NOS1AP: variants seen among roughly 807,000 people sequenced by gnomAD.
The protein encoded by NOS1AP is carboxyl-terminal PDZ ligand of neuronal nitric oxide synthase protein.
NOS1AP carries 21 observed loss-of-function variants against 56.2 expected under a neutral mutation model. The ratio of observed to expected loss-of-function variants is 0.37; its 90% CI spans 0.26 to 0.54. The LOEUF (loss-of-function observed/expected upper bound fraction) is 0.54, where lower values mean the gene tolerates loss of function less well. Ranked by LOEUF, NOS1AP falls within the 20% of genes least tolerant of loss-of-function variation. NOS1AP has a pLI of 0.84. For synonymous variants in NOS1AP, 270 were observed against 274.6 expected, an observed-to-expected ratio of 0.98 and a Z score of 0.17; for missense variants, 522 against 657.8, an observed-to-expected ratio of 0.79 and a Z score of 2.26.
intron 2 of NOS1AP, among the ~76,000 whole-genome samples, chr1:162,196,764 C>A (rs1003793314): frequency 1.1e-4 from 16 of 152,148 alleles, no homozygotes; most frequent in African/African-American, 3.6e-4. Flanking sequence ...TTTAAATAAT[C>A]ATAAATTTTA....
chr1:162,358,900 A>G (rs1415356705), intron 8 of NOS1AP, among the ~76,000 whole-genome samples: 2 of 152,248 alleles, frequency 1.3e-5, no homozygotes, highest in Non-Finnish European at 2.9e-5. Flanking sequence ...TGTGTAATCC[A>G]CACAATAGTG....
chr1:162,287,466 G>A, intron 3 of NOS1AP, 30 bp downstream of exon 3: 1 of 1,472,580 alleles, frequency 6.8e-7, no homozygotes, highest in Non-Finnish European at 9.5e-7. Flanking sequence ...AATCTGAGGT[G>A]AAGAGGAAAG....
At chr1:162,350,668 T>C (rs1657462479) in intron 6 of NOS1AP, among the ~76,000 whole-genome samples, 1 of 152,252 alleles carries the variant, frequency 6.6e-6, no homozygotes, top group African/African-American at 2.4e-5. Flanking sequence ...TTATTTAATG[T>C]GAGAAAAGCA....
intron 3 of NOS1AP, among the ~76,000 whole-genome samples, chr1:162,296,366 ACC>A (rs1339050321): frequency 6.6e-6 from 1 of 152,170 alleles, no homozygotes; most frequent in Non-Finnish European, 1.5e-5. Flanking sequence ...TACTCCCCAA[ACC>A]CATTGAGTTA....
intron 4 of NOS1AP, among the ~76,000 whole-genome samples, chr1:162,308,559 A>G (rs1267230734): frequency 6.6e-6 from 1 of 152,200 alleles, no homozygotes; most frequent in Non-Finnish European, 1.5e-5. Context: ...CATGCATACC[A>G]CTGGACATCC....
intron 1 of NOS1AP, among the ~76,000 whole-genome samples, chr1:162,120,012 T>G (rs1024021984): frequency 6.6e-6 from 1 of 151,886 alleles, no homozygotes; most frequent in Non-Finnish European, 1.5e-5. Context: ...CTGGTGGGAG[T>G]GTAAATTGGT....
chr1:162,294,455 C>G (rs1006319833), intron 3 of NOS1AP, among the ~76,000 whole-genome samples: 1 of 152,136 alleles, frequency 6.6e-6, no homozygotes, highest in Non-Finnish European at 1.5e-5. Context: ...AGTGCAGCAG[C>G]TGGGTCCCTT....
At position 162,072,115 on chromosome 1, in the gene NOS1AP, A is replaced by T. The variant is rs571514747; in HGVS notation, c.105+1833A>T. 4.3e-5 allele frequency among the ~76,000 whole-genome samples: 5 copies of T among 117,150 alleles called. No homozygotes were observed. In the East Asian group the frequency reaches 1.1e-3, roughly 26 times the overall value. The allele number at this position is 117,150 out of a possible 152,430, so 76.9% of individuals were successfully genotyped here. On this transcript the variant is annotated intron_variant, in intron 1 of 9. Coordinates refer to ENST00000361897, the MANE Select transcript of NOS1AP (RefSeq NM_014697.3). ...ATAGATAGATAGATAGATAGATAGA[A>T]AGTGTATTTTAAGCCTTTTTATTTT...
intron 2 of NOS1AP, among the ~76,000 whole-genome samples, chr1:162,233,145 C>T (rs1653175422): frequency 6.6e-6 from 1 of 152,202 alleles, no homozygotes; most frequent in Non-Finnish European, 1.5e-5. Context: ...GAGGTAGGGC[C>T]AAGCACTGGC....
chr1:162,088,111 T>G (rs1219607953), intron 1 of NOS1AP, among the ~76,000 whole-genome samples: 2 of 152,036 alleles, frequency 1.3e-5, no homozygotes, highest in Non-Finnish European at 2.9e-5. Context: ...TTAGTTATGA[T>G]CTTGGATTTC....
chr1:162,355,205 C>T lies in NOS1AP; in HGVS notation c.614C>T (p.Ala205Val). ...CCTGCAGGCCGCCAGCTCACTGGAG[C>T]CGAGAGGGCCTCCACGGCCACTGCA... is the stretch of plus-strand genomic sequence containing the variant. ...SGDPGRQLTG[A>V]ERASTATAEE... The change falls in exon 7 of 10, where the codon GCC becomes GTC. Residue 205 changes from alanine (A) to valine (V), a missense_variant. By Grantham distance (64) the Ala-to-Val change is moderately conservative (BLOSUM62 0). Coordinates refer to ENST00000361897, the MANE Select transcript of NOS1AP (RefSeq NM_014697.3). 1.2e-6 allele frequency: 2 copies of T among 1,614,096 alleles called. No homozygotes were observed. The highest frequency in any genetic ancestry group is 1.7e-6 in the Non-Finnish European group (2 of 1,180,022).
Position 162,355,180 on chromosome 1 carries a change from C to T in NOS1AP, c.596-7C>T, listed in dbSNP as rs753272687. 2 of 1,614,056 alleles carry T rather than the reference C, an allele frequency of 1.2e-6. No individual in the cohort carries two copies. The highest frequency in any genetic ancestry group is 8.5e-7 in the Non-Finnish European group (1 of 1,180,010). On this transcript the variant is annotated splice_region_variant and splice_polypyrimidine_tract_variant and intron_variant, in intron 6 of 9. Coordinates refer to ENST00000361897, the MANE Select transcript of NOS1AP (RefSeq NM_014697.3). ...TCTCTTCCCTCCCTCCCCTGTTGTT[C>T]CTGCAGGCCGCCAGCTCACTGGAGC... is the stretch of plus-strand genomic sequence containing the variant.
chr1:162,252,793 A>G (rs1653908819), intron 2 of NOS1AP, among the ~76,000 whole-genome samples: 1 of 152,192 alleles, frequency 6.6e-6, no homozygotes, highest in African/African-American at 2.4e-5. Context: ...TTAAGTTTCA[A>G]TTCATTAAAA....
intron 3 of NOS1AP, among the ~76,000 whole-genome samples, chr1:162,294,222 A>AGGAAGGAAGGAAGGAG (rs1368335883): frequency 0.04 from 5,907 of 147,666 alleles, 320 homozygotes; most frequent in African/African-American, 0.069. Context: ...GAAGGAAGGA[A>AGGAAGGAAGGAAGGAG]GGAAGAAAGA....
chr1:162,293,685 T>A (rs1194219944), intron 3 of NOS1AP, among the ~76,000 whole-genome samples: 4 of 152,214 alleles, frequency 2.6e-5, no homozygotes, highest in African/African-American at 9.6e-5. Context: ...CTTTATTCCC[T>A]TCCTCTGTGG....
At chr1:162,170,186 C>T (rs1374708430) in intron 2 of NOS1AP, among the ~76,000 whole-genome samples, 2 of 152,174 alleles carry the variant, frequency 1.3e-5, no homozygotes, top group African/African-American at 2.4e-5. Flanking sequence ...TCACATGTGT[C>T]CCCTGAAGGA....
intron 2 of NOS1AP, among the ~76,000 whole-genome samples, chr1:162,260,482 C>A (rs1407034745): frequency 2.6e-5 from 4 of 152,144 alleles, no homozygotes; most frequent in Non-Finnish European, 4.4e-5. Flanking sequence ...AATATACAGA[C>A]ATTACTATAG....
intron 1 of NOS1AP, among the ~76,000 whole-genome samples, chr1:162,086,448 A>G (rs528442626): frequency 6.6e-6 from 1 of 152,270 alleles, no homozygotes; most frequent in African/African-American, 2.4e-5. Context: ...CACCCTGAGT[A>G]GCTTTCCCTG....
intron 2 of NOS1AP, among the ~76,000 whole-genome samples, chr1:162,182,580 C>G (rs748639786): frequency 6.6e-6 from 1 of 152,170 alleles, no homozygotes; most frequent in Non-Finnish European, 1.5e-5. Flanking sequence ...TACAGTAGAA[C>G]TTCTTTCAAA....
Sources: gnomAD v4.1 joint callset for allele counts (sites outside exome capture counted in the v4.1 genomes callset) on GRCh38, gnomAD v4.1.1 for gene constraint, MANE v1.5 for transcripts, NCBI Gene and HGNC (gene_info 2026-07-23, HGNC 2026-07-21) for gene names.